Variants in CD82 observed in about 807,000 individuals in gnomAD.
The protein encoded by CD82 is CD82 molecule.
A neutral mutation model predicts 37.4 loss-of-function variants in CD82; 36 were observed. The ratio of observed to expected loss-of-function variants is 0.96; its 90% CI spans 0.74 to 1.27. The LOEUF (loss-of-function observed/expected upper bound fraction) is 1.27, where lower values mean the gene tolerates loss of function less well. Ranked by LOEUF, CD82 falls within the 50% of genes most tolerant of loss-of-function variation. The probability of loss-of-function intolerance (pLI) is 0.00; values close to 1 mark genes in which losing one functional copy is unlikely to be tolerated. For synonymous variants in CD82, 158 were observed against 137.4 expected (o/e 1.15, Z -1.05); for missense variants, 340 against 347.0 (o/e 0.98, Z 0.16).
intron 1 of CD82, among the ~76,000 whole-genome samples, chr11:44,581,304 G>T (rs1421773724): frequency 3.3e-5 from 5 of 152,230 alleles, no homozygotes; most frequent in African/African-American, 1.2e-4. Flanking sequence ...GTGACCTTGG[G>T]CAAGGCCCTT....
chr11:44,599,423 C>T (rs1310697621), intron 3 of CD82, among the ~76,000 whole-genome samples: 3 of 152,240 alleles, frequency 2.0e-5, no homozygotes, highest in African/African-American at 4.8e-5. Flanking sequence ...GGATTACAGG[C>T]ATGAACCACC....
chr11:44,574,400 C>A (rs1852858867), intron 1 of CD82, among the ~76,000 whole-genome samples: 1 of 152,182 alleles, frequency 6.6e-6, no homozygotes, highest in African/African-American at 2.4e-5. Context: ...AACCCACCCA[C>A]CCTTGGCTTC....
intron 6 of CD82, among the ~76,000 whole-genome samples, chr11:44,614,917 G>A (rs1284744849): frequency 6.6e-6 from 1 of 152,214 alleles, no homozygotes; most frequent in African/African-American, 2.4e-5. Context: ...AAGAACAGAG[G>A]ACAGAAGGCC....
In CD82 at chr11:44,615,465, C is replaced by T. The variant is rs992530877; in HGVS notation, c.438+92C>T. 1.3e-5 allele frequency: 10 copies of T among 786,320 alleles called. No homozygotes were observed. In the East Asian group the frequency reaches 1.6e-4, roughly 12 times the overall value. 48.7% of individuals were successfully genotyped at this position (786,320 alleles called of 1,614,324 possible). On this transcript the variant is annotated intron_variant, in intron 7 of 9. Transcript: ENST00000227155. ...CCCACATGTCTGGGACTGGCATCTG[C>T]AGTGCTCGTGTGTGCCTGACAGTTT...
At position 44,609,926 on chromosome 11, in the gene CD82, C is replaced by T. The variant is rs1040285880; in HGVS notation, c.336+4497C>T. ...CTCTGCATTCTGGGGTAGCTAATTA[C>T]GTGGATTGCAGCTGGACTTGCAGAA... On this transcript the variant is annotated intron_variant, in intron 6 of 9. Transcript: ENST00000227155. Among the ~76,000 whole-genome samples the T allele has an allele frequency of 5.3e-5, 8 of 152,272 alleles. 1 individual carries two copies. The highest frequency in any genetic ancestry group is 4.1e-4 in the South Asian group (2 of 4,824).
intron 1 of CD82, among the ~76,000 whole-genome samples, chr11:44,572,510 G>A (rs1042010631): frequency 6.6e-6 from 1 of 152,112 alleles, no homozygotes; most frequent in African/African-American, 2.4e-5. Flanking sequence ...TTTCGAAGGA[G>A]GGATGGGATG....
chr11:44,618,847 C>T, intron 9 of CD82, 124 bp downstream of exon 9: 1 of 880,374 alleles, frequency 1.1e-6, no homozygotes, highest in South Asian at 1.6e-5. Flanking sequence ...CAGAGGCCCT[C>T]TGGTCTGAGC....
chr11:44,573,134 C>T (rs1423573385), intron 1 of CD82: 1 of 152,204 alleles, frequency 6.6e-6, no homozygotes, highest in Non-Finnish European at 1.5e-5. Context: ...CAGAGCGAGG[C>T]CTGAGGTGTT....
chr11:44,572,841 T>C (rs10838309), intron 1 of CD82, among the ~76,000 whole-genome samples: 85,955 of 152,066 alleles, frequency 0.57, 25,110 homozygotes, highest in African/African-American at 0.65. Flanking sequence ...TGGAAGCCGG[T>C]GGAAGAAGGT....
chr11:44,604,911 C>G (rs4755851), intron 4 of CD82, 147 bp from the exon 5 acceptor site: 190,628 of 1,110,494 alleles, frequency 0.17, 23,421 homozygotes, highest in East Asian at 0.51. Context: ...ACCTGGTTCC[C>G]TGTTGGGCAG....
upstream of CD82, among the ~76,000 whole-genome samples, chr11:44,565,229 T>A (rs1852711370): frequency 6.6e-6 from 1 of 151,848 alleles, no homozygotes; most frequent in Non-Finnish European, 1.5e-5. Context: ...GGCCTCACCC[T>A]ACTAGGGCCG....
Position 44,584,076 on chromosome 11 carries a change from A to T in CD82, c.-102-3399A>T, listed in dbSNP as rs1041880149. On this transcript the variant is annotated intron_variant, in intron 1 of 9. Transcript: ENST00000227155. ...CCTTGGTGGTGGTGGTAGTGGCGGG[A>T]TCTCCTCACTTTGTGGTGAGGAGCT... 5.7e-4 allele frequency among the ~76,000 whole-genome samples: 86 copies of T among 152,010 alleles called. 1 individual carries two copies. In the East Asian group the frequency reaches 0.015, roughly 27 times the overall value.
In CD82 at chr11:44,597,169, G is replaced by A. The variant is rs77531012; in HGVS notation, c.63+2444G>A. Among the ~76,000 whole-genome samples, 3,914 of 152,296 alleles carry A rather than the reference G, an allele frequency of 0.026. 162 individuals carry two copies. The highest frequency in any genetic ancestry group is 0.089 in the African/African-American group (3,678 of 41,538). ...CCCCGTGGCTGCTATGTGTGCTCGC[G>A]CCTGCGTGCATGTGCACCTGTATGT... is the stretch of plus-strand genomic sequence containing the variant. On this transcript the variant is annotated intron_variant, in intron 3 of 9. Transcript: ENST00000227155. The surrounding 1 kb of genome is among the most constrained non-coding windows in gnomAD (Gnocchi z 4.1).
rs1853039398 is a variant in CD82, at chr11:44,585,437, C to A, written c.-102-2038C>A. 9.7e-6 allele frequency: 4 copies of A among 412,402 alleles called. No homozygotes were observed. In the East Asian group the frequency reaches 2.1e-4, roughly 22 times the overall value. 25.5% of individuals were successfully genotyped at this position (412,402 alleles called of 1,614,324 possible). ...GGTAAGGTGATCACCCAAGGCTACA[C>A]TGCTGGCAAGGTGTGGCAGATGTGG... On this transcript the variant is annotated intron_variant, in intron 1 of 9. Transcript: ENST00000227155.
At chr11:44,574,931 A>G (rs1423979477) in intron 1 of CD82, among the ~76,000 whole-genome samples, 1 of 152,212 alleles carries the variant, frequency 6.6e-6, no homozygotes, top group Non-Finnish European at 1.5e-5. Flanking sequence ...TTTCATTAGT[A>G]TCCACATTGC....
rs192741444 is a variant in CD82 at position 44,571,463 on chromosome 11, T to C, written c.-103+5727T>C. ...GGAGACAATAATAGTACTCATCTCA[T>C]AGGGTTGTTTGAGAATGATATATGA... is the stretch of plus-strand genomic sequence containing the variant. On this transcript the variant is annotated intron_variant, in intron 1 of 9. Transcript: ENST00000227155. Among the ~76,000 whole-genome samples, 301 of 152,356 alleles carry C rather than the reference T, an allele frequency of 2.0e-3. 2 individuals carry two copies. The highest frequency in any genetic ancestry group is 0.014 in the Middle Eastern group (4 of 294).
intron 6 of CD82, chr11:44,606,862 T>A (rs1395649808): frequency 2.0e-5 from 3 of 152,330 alleles, no homozygotes; most frequent in Non-Finnish European, 4.4e-5. Context: ...CCAAGTACAG[T>A]GTTGACCACG....
In CD82 at chr11:44,618,249, T is replaced by C. The variant is rs1043146016; in HGVS notation, c.526T>C (p.Cys176Arg). The C allele has an allele frequency of 2.5e-5, 40 of 1,614,118 alleles. No homozygotes were observed. The highest frequency in any genetic ancestry group is 3.2e-5 in the Non-Finnish European group (38 of 1,180,032). The change falls in exon 8 of 10, where the codon TGC becomes CGC. Residue 176 changes from cysteine (C) to arginine (R), a missense_variant. Coordinates refer to ENST00000227155, the MANE Select transcript of CD82 (RefSeq NM_002231.4). ...CCCTGAGGTCACCTACCCCTGTTCC[T>C]GCGAAGTCAAGGGGGAAGAGGACAA... is the stretch of plus-strand genomic sequence containing the variant. ...NRPEVTYPCS[C>R]EVKGEEDNSL...
chr11:44,611,547 C>G (rs2134685573), intron 6 of CD82, among the ~76,000 whole-genome samples: 2 of 152,350 alleles, frequency 1.3e-5, no homozygotes, highest in South Asian at 4.1e-4. Context: ...GCCTCCTCAG[C>G]TCCATGGAGA....
Sources: gnomAD v4.1 joint callset for allele counts (sites outside exome capture counted in the v4.1 genomes callset) on GRCh38, gnomAD v4.1.1 for gene constraint, Gnocchi (gnomAD v3.1) non-coding constraint, MANE v1.5 for transcripts, NCBI Gene and HGNC (gene_info 2026-07-23, HGNC 2026-07-21) for gene names.